The following ASB4 variants were observed in gnomAD, a reference collection of about 807,000 sequenced individuals.
The protein encoded by ASB4 is ankyrin repeat and SOCS box containing 4.
A neutral mutation model predicts 38.6 loss-of-function variants in ASB4; 35 were observed. The ratio of observed to expected loss-of-function variants is 0.91; its 90% CI spans 0.69 to 1.20. The LOEUF is 1.20. ASB4 is among the 50% of genes most tolerant of loss of function. The pLI, the probability that ASB4 is intolerant of heterozygous loss-of-function variation, is 0.00. For missense variants in ASB4, 557 were observed against 527.2 expected (o/e 1.06, Z -0.55); for synonymous variants, 195 against 201.3 (o/e 0.97, Z 0.26).
At chr7:95,490,239 T>C (rs921368129) in intron 1 of ASB4, among the ~76,000 whole-genome samples, 2 of 152,230 alleles carry the variant, frequency 1.3e-5, no homozygotes, top group Non-Finnish European at 2.9e-5. Flanking sequence ...AGCTCTTATT[T>C]CCACTCTCTG....
chr7:95,513,293 ATGTGTGTG>A (rs3046862), intron 2 of ASB4, among the ~76,000 whole-genome samples: 20,302 of 89,060 alleles, frequency 0.23, 2,070 homozygotes, highest in Middle Eastern at 0.37. Context: ...AGCCAATAGA[ATGTGTGTG>A]TGTGTGTGTG....
chr7:95,482,154 A>T (rs1790026141), upstream of ASB4, among the ~76,000 whole-genome samples: 1 of 152,226 alleles, frequency 6.6e-6, no homozygotes, highest in African/African-American at 2.4e-5. Context: ...CTCAGGTAAA[A>T]TAATCAATTG....
Position 95,486,105 on chromosome 7 carries a change from A to C in ASB4, c.134A>C (p.Asp45Ala). The C allele has an allele frequency of 6.2e-7, 1 of 1,614,168 alleles. No homozygotes were observed. Among genetic ancestry groups the C allele is most frequent in the Non-Finnish European group, 8.5e-7 (1 of 1,180,012 alleles). Reference sequence around the variant, plus strand: ...TTGATCCAAAGGCAAATAGATGTGGACACTGTTTTTGAAGTCGAAGATGAG... The same window carrying C: ...TTGATCCAAAGGCAAATAGATGTGGCCACTGTTTTTGAAGTCGAAGATGAG... ...AILIQRQIDV[D>A]TVFEVEDENM... Residue 45 changes from aspartate (D) to alanine (A), a missense_variant, in exon 1 of 5, where the codon GAC becomes GCC. By Grantham distance (126) the Asp-to-Ala change is moderately radical. Coordinates refer to ENST00000325885, the MANE Select transcript of ASB4 (RefSeq NM_016116.3).
the ASB4 span, among the ~76,000 whole-genome samples, chr7:95,545,294 T>C: frequency 2.6e-5 from 4 of 152,316 alleles, no homozygotes; most frequent in East Asian, 7.7e-4. Context: ...ATAGGTATTC[T>C]ATGGCACCTT....
rs112547068 is a variant in ASB4 at position 95,536,302 on chromosome 7, A to T, written c.979-135A>T. On this transcript the variant is annotated intron_variant, in intron 3 of 4. Transcript: ENST00000325885. ...TGGGCTCAAGCAATCCTCCTGCCTC[A>T]GTCTCCCAAGTAGCTGGGATTACAG... is the stretch of plus-strand genomic sequence containing the variant. The T allele has an allele frequency of 3.6e-5, 20 of 558,730 alleles. 1 individual carries two copies. The Middle Eastern group carries it at 8.3e-4, about 23-fold the overall frequency. The allele number at this position is 558,730 out of a possible 1,614,324, so 34.6% of individuals were successfully genotyped here. A position where few individuals can be genotyped will look rare whatever the true frequency, so the allele number is the denominator to read the frequency against.
At chr7:95,529,692 A>T (rs1464102679) in intron 3 of ASB4, among the ~76,000 whole-genome samples, 3 of 152,210 alleles carry the variant, frequency 2.0e-5, no homozygotes, top group African/African-American at 7.2e-5. Flanking sequence ...AAAGTTTTTT[A>T]GGGAACTACA....
chr7:95,530,296 C>A (rs1790802416), intron 3 of ASB4, among the ~76,000 whole-genome samples: 1 of 151,860 alleles, frequency 6.6e-6, no homozygotes, highest in South Asian at 2.1e-4. Context: ...GAAACCCTGT[C>A]TCTAATAAAA....
At chr7:95,501,106 T>G (rs1448010284) in intron 2 of ASB4, among the ~76,000 whole-genome samples, 2 of 152,200 alleles carry the variant, frequency 1.3e-5, no homozygotes, top group African/African-American at 4.8e-5. Context: ...AATTATATAT[T>G]AATTTAATCA....
chr7:95,503,805 GGCTCTTTGTGGAAAAGT>G (rs1223226257), intron 2 of ASB4, among the ~76,000 whole-genome samples: 6 of 152,242 alleles, frequency 3.9e-5, no homozygotes, highest in African/African-American at 9.6e-5. Context: ...CTATTTAATG[GGCTCTTTGTGGAAAAGT>G]GCTCTTTGTG....
chr7:95,492,454 T>C (rs62467677), intron 1 of ASB4, among the ~76,000 whole-genome samples: 11,395 of 152,240 alleles, frequency 0.075, 542 homozygotes, highest in African/African-American at 0.13. Context: ...AGATGAAAAC[T>C]GCATTGCGGG....
intron 2 of ASB4, among the ~76,000 whole-genome samples, chr7:95,503,423 A>C (rs1230375739): frequency 6.6e-6 from 1 of 152,194 alleles, no homozygotes; most frequent in Non-Finnish European, 1.5e-5. Flanking sequence ...GAAAGTGCTC[A>C]ATAAATAGTT....
At chr7:95,527,727 G>A (rs1016152762) in intron 2 of ASB4, 86 bp from the exon 3 acceptor site, 33 of 1,258,006 alleles carry the variant, frequency 2.6e-5, no homozygotes, top group Non-Finnish European at 3.5e-5. Context: ...TAAAAGAGAA[G>A]CAGTGAGAAA....
chr7:95,483,886 T>A (rs1307275021), upstream of ASB4, among the ~76,000 whole-genome samples: 1 of 152,136 alleles, frequency 6.6e-6, no homozygotes. Flanking sequence ...ACAAAAGCAG[T>A]GTGTCACAGA....
chr7:95,528,369 C>T (rs773116072), intron 3 of ASB4, 66 bp downstream of exon 3: 1 of 1,604,502 alleles, frequency 6.2e-7, no homozygotes, highest in South Asian at 1.1e-5. Flanking sequence ...CTGAAATCTC[C>T]AAGTAACTCA....
At chr7:95,484,353 T>G (rs1055319102), upstream of ASB4, among the ~76,000 whole-genome samples, 6 of 152,106 alleles carry the variant, frequency 3.9e-5, no homozygotes, top group African/African-American at 1.4e-4. Flanking sequence ...CAAACAAAAC[T>G]AATCTATAGT....
At chr7:95,547,823 C>A in the ASB4 span, among the ~76,000 whole-genome samples, 1 of 152,118 alleles carries the variant, frequency 6.6e-6, no homozygotes, top group Admixed American at 6.5e-5. Flanking sequence ...AATTCTGCCT[C>A]CAGATTGTCT....
chr7:95,495,870 A>C lies in ASB4; in HGVS notation c.300A>C (p.Thr100=), dbSNP rs1346529034. The change falls in exon 2 of 5, where the codon ACA becomes ACC. Residue 100 remains threonine, a synonymous_variant. Coordinates refer to ENST00000325885, the MANE Select transcript of ASB4 (RefSeq NM_016116.3). ...CLLVLLDHNA[T]INCRPNGKTP... is the part of the protein sequence containing the mutation. Reference sequence around the variant, plus strand: ...TGGTGCTACTGGACCACAATGCTACAATCAACTGTAGACCCAATGGGAAAA... The same window carrying C: ...TGGTGCTACTGGACCACAATGCTACCATCAACTGTAGACCCAATGGGAAAA... 1.2e-6 allele frequency: 2 copies of C among 1,614,040 alleles called. No homozygotes were observed. The highest frequency in any genetic ancestry group is 1.7e-6 in the Non-Finnish European group (2 of 1,180,026).
chr7:95,511,522 T>C (rs1790480919), intron 2 of ASB4, among the ~76,000 whole-genome samples: 1 of 151,970 alleles, frequency 6.6e-6, no homozygotes, highest in African/African-American at 2.4e-5. Flanking sequence ...TTGGACTTAA[T>C]AATTAATAAT....
chr7:95,545,090 A>G (rs1791014966), downstream of ASB4, among the ~76,000 whole-genome samples: 1 of 150,818 alleles, frequency 6.6e-6, no homozygotes, highest in Non-Finnish European at 1.5e-5. Flanking sequence ...TTCCCGTGGT[A>G]CAGACTCACT....
Sources: gnomAD v4.1 joint callset for allele counts (sites outside exome capture counted in the v4.1 genomes callset) on GRCh38, gnomAD v4.1.1 for gene constraint, MANE v1.5 for transcripts, NCBI Gene and HGNC (gene_info 2026-07-23, HGNC 2026-07-21) for gene names.